Variants in PCDH9 observed in about 807,000 individuals in gnomAD.
The protein encoded by PCDH9 is protocadherin 9.
Under a neutral mutation model 70.6 loss-of-function variants are expected in PCDH9, and 24 were observed. The ratio of observed to expected loss-of-function variants is 0.34; its 90% CI spans 0.25 to 0.48. The LOEUF is 0.48. PCDH9 is among the 20% of genes least tolerant of loss of function. The probability of loss-of-function intolerance (pLI) is 0.99; values close to 1 mark genes in which losing one functional copy is unlikely to be tolerated. For synonymous variants in PCDH9, 562 were observed against 558.5 expected (o/e 1.01, Z -0.09); for missense variants, 1,281 against 1,503.6 (o/e 0.85, Z 2.45).
intron 3 of PCDH9, among the ~76,000 whole-genome samples, chr13:66,741,893 A>G: frequency 6.7e-6 from 1 of 148,488 alleles, no homozygotes; most frequent in East Asian, 2.0e-4. Flanking sequence ...GGAAGAATCA[A>G]TATCGTGAAA....
chr13:66,388,571 A>T (rs1174288912), intron 4 of PCDH9, among the ~76,000 whole-genome samples: 1 of 152,134 alleles, frequency 6.6e-6, no homozygotes, highest in Non-Finnish European at 1.5e-5. Context: ...ACAGTTAAAA[A>T]TTTGTTTTGT....
At chr13:66,535,170 A>G (rs547774805) in intron 4 of PCDH9, among the ~76,000 whole-genome samples, 2 of 152,248 alleles carry the variant, frequency 1.3e-5, no homozygotes, top group Non-Finnish European at 2.9e-5. Flanking sequence ...TTTAAATTAT[A>G]TTCTTCAGAA....
chr13:66,936,268 A>C (rs1275379045), intron 2 of PCDH9, among the ~76,000 whole-genome samples: 1 of 152,220 alleles, frequency 6.6e-6, no homozygotes, highest in Non-Finnish European at 1.5e-5. Flanking sequence ...ACAGCTTAAC[A>C]TCAGGGATCT....
rs1040405648 is a variant in PCDH9, at chr13:66,997,677, G to A, written c.3037-94072C>T. Among the ~76,000 whole-genome samples the A allele has an allele frequency of 2.0e-5, 3 of 152,116 alleles. No individual in the cohort carries two copies. In the East Asian group the frequency reaches 5.8e-4, roughly 29 times the overall value. On this transcript the variant is annotated intron_variant, in intron 2 of 4. Transcript: ENST00000377865. ...AGCCTCCCGAGTAGCTGGGACTACG[G>A]GCGCACATCACCATGCCTAGCTAAT...
rs1373655870 is a variant in PCDH9 at position 67,228,396 on chromosome 13, A to G, written c.45T>C (p.Cys15=). ...GAGCTATTGCGGAATCCAGCCTTAAACAGGCAATCAGAGCAGCCAACAGGT... is the reference window on the plus strand; with the variant it reads ...GAGCTATTGCGGAATCCAGCCTTAAGCAGGCAATCAGAGCAGCCAACAGGT... ...DFYLLAALIA[C]LRLDSAIAQE... is the part of the protein sequence containing the mutation. The change falls in exon 2 of 5, where the codon TGT becomes TGC. Residue 15 remains cysteine (C), a synonymous_variant. Transcript: ENST00000377865. 13 of 1,608,454 alleles carry G rather than the reference A, an allele frequency of 8.1e-6. No homozygotes were observed. Among genetic ancestry groups the G allele is most frequent in the Non-Finnish European group, 1.1e-5 (13 of 1,177,656 alleles).
intron 2 of PCDH9, among the ~76,000 whole-genome samples, chr13:67,144,807 C>T (rs189959172): frequency 2.0e-5 from 3 of 152,224 alleles, no homozygotes; most frequent in African/African-American, 7.2e-5. Flanking sequence ...TTCTGTAACT[C>T]ACTAAGTACT....
At chr13:66,816,110 T>C (rs2080600622) in intron 3 of PCDH9, among the ~76,000 whole-genome samples, 1 of 152,266 alleles carries the variant, frequency 6.6e-6, no homozygotes, top group South Asian at 2.1e-4. Context: ...CTAGGCATTA[T>C]GACAGGTGCT....
intron 4 of PCDH9, among the ~76,000 whole-genome samples, chr13:66,416,598 A>T (rs1957465520): frequency 6.6e-6 from 1 of 152,208 alleles, no homozygotes; most frequent in South Asian, 2.1e-4. Context: ...CAATTTGACA[A>T]GCAAGACTTT....
At chr13:66,850,925 G>A (rs963256324) in intron 3 of PCDH9, among the ~76,000 whole-genome samples, 2 of 152,124 alleles carry the variant, frequency 1.3e-5, no homozygotes, top group African/African-American at 4.8e-5. Flanking sequence ...TTGAAATAGT[G>A]TACTTACAGA....
At chr13:66,537,631 A>C (rs1831004805) in intron 4 of PCDH9, among the ~76,000 whole-genome samples, 1 of 152,086 alleles carries the variant, frequency 6.6e-6, no homozygotes, top group South Asian at 2.1e-4. Context: ...TCAAGGAAAG[A>C]GCTTAGGTCT....
At chr13:67,045,306 T>A (rs1393869025) in intron 2 of PCDH9, among the ~76,000 whole-genome samples, 1 of 152,162 alleles carries the variant, frequency 6.6e-6, no homozygotes. Flanking sequence ...ATCCCTTACA[T>A]AAATTCTATG....
chr13:66,868,184 T>C (rs2139499487), intron 3 of PCDH9, among the ~76,000 whole-genome samples: 1 of 152,092 alleles, frequency 6.6e-6, no homozygotes, highest in African/African-American at 2.4e-5. Context: ...TAAAATGTAA[T>C]ATGCAGTACA....
At chr13:67,055,156 G>GA (rs1346311695) in intron 2 of PCDH9, among the ~76,000 whole-genome samples, 1 of 152,068 alleles carries the variant, frequency 6.6e-6, no homozygotes, top group East Asian at 1.9e-4. Flanking sequence ...CCCCTTTGGG[G>GA]AAAATATTAC....
intron 4 of PCDH9, among the ~76,000 whole-genome samples, chr13:66,461,482 T>G (rs1958424228): frequency 6.6e-6 from 1 of 151,502 alleles, no homozygotes; most frequent in Non-Finnish European, 1.5e-5. Context: ...TTAGCTAACT[T>G]ATATTTTTTA....
chr13:67,086,332 A>C (rs1185030489), intron 2 of PCDH9, among the ~76,000 whole-genome samples: 1 of 152,158 alleles, frequency 6.6e-6, no homozygotes, highest in Admixed American at 6.6e-5. Flanking sequence ...AGTGGGTGAT[A>C]TATGGTTTGT....
rs540803730 is a variant in PCDH9, at chr13:66,531,133, T to C, written c.3340+100077A>G. ...CATTTTTTTTTGTTTTAAATATTTT[T>C]TGTGTTTTTGATTCCTTTTGTCTCC... On this transcript the variant is annotated intron_variant, in intron 4 of 4. Transcript: ENST00000377865. Among the ~76,000 whole-genome samples the C allele has an allele frequency of 3.5e-4, 54 of 152,184 alleles. 1 individual carries two copies. The highest frequency in any genetic ancestry group is 1.3e-3 in the African/African-American group (52 of 41,562).
At chr13:66,823,889 C>T (rs1422055145) in intron 3 of PCDH9, among the ~76,000 whole-genome samples, 1 of 151,902 alleles carries the variant, frequency 6.6e-6, no homozygotes, top group African/African-American at 2.4e-5. Flanking sequence ...TTTTTTGTTT[C>T]CTTTTCTATG....
intron 2 of PCDH9, among the ~76,000 whole-genome samples, chr13:67,091,043 G>C (rs1304048143): frequency 6.6e-6 from 1 of 151,928 alleles, no homozygotes; most frequent in Non-Finnish European, 1.5e-5. Flanking sequence ...TCCAAACTTC[G>C]TGTTAGATCT....
chr13:66,736,202 T>C (rs545762633), intron 3 of PCDH9, among the ~76,000 whole-genome samples: 16 of 152,292 alleles, frequency 1.1e-4, no homozygotes, highest in African/African-American at 3.4e-4. Flanking sequence ...ATCTCCCCAA[T>C]TGCATATGTT....
Sources: allele counts gnomAD v4.1 joint callset (sites outside exome capture counted in the v4.1 genomes callset), GRCh38; gene constraint gnomAD v4.1.1; transcripts MANE v1.5; gene names NCBI Gene and HGNC (gene_info 2026-07-23, HGNC 2026-07-21).